Variants in CCR3 observed in about 807,000 individuals in gnomAD.
CCR3 encodes C-C motif chemokine receptor 3.
For missense variants in CCR3, 419 were observed against 437.5 expected (o/e 0.96, Z 0.38); for synonymous variants, 203 against 179.2 (o/e 1.13, Z -1.06).
intron 2 of CCR3, among the ~76,000 whole-genome samples, chr3:46,236,320 A>G (rs916220510): frequency 2.6e-5 from 4 of 152,174 alleles, no homozygotes; most frequent in Admixed American, 2.0e-4. Flanking sequence ...CAGCAGAGAG[A>G]AGAGAAAAGG....
intron 2 of CCR3, among the ~76,000 whole-genome samples, chr3:46,223,486 A>G (rs947526482): frequency 1.3e-5 from 2 of 152,220 alleles, no homozygotes; most frequent in Admixed American, 6.5e-5. Context: ...CCCATGCCCA[A>G]TCCTTTTTCA....
chr3:46,252,028 G>T (rs139509125), intron 1 of CCR3, among the ~76,000 whole-genome samples: 1 of 152,230 alleles, frequency 6.6e-6, no homozygotes, highest in African/African-American at 2.4e-5. Context: ...CAAGTCACAG[G>T]GGATGCAATG....
At chr3:46,261,132 G>A (rs57970178) in intron 1 of CCR3, among the ~76,000 whole-genome samples, 5 of 152,202 alleles carry the variant, frequency 3.3e-5, no homozygotes, top group African/African-American at 1.2e-4. Flanking sequence ...CCTTGATATT[G>A]TAAAGTTATC....
In CCR3 at chr3:46,265,704, T is replaced by C; in HGVS notation, c.546T>C (p.Leu182=). 6.2e-7 allele frequency: 1 copy of C among 1,614,040 alleles called. No homozygotes were observed. The highest frequency in any genetic ancestry group is 1.1e-5 in the South Asian group (1 of 91,066). Reference sequence around the variant, plus strand: ...CTGAAGAGTTGTTTGAAGAGACTCTTTGCAGTGCTCTTTACCCAGAGGATA... The same window carrying C: ...CTGAAGAGTTGTTTGAAGAGACTCTCTGCAGTGCTCTTTACCCAGAGGATA... ...YETEELFEET[L]CSALYPEDTV... is the part of the protein sequence containing the mutation. Residue 182 remains leucine (L), a synonymous_variant, in exon 2 of 2, where the codon CTT becomes CTC. Transcript: ENST00000395940.
intron 2 of CCR3, among the ~76,000 whole-genome samples, chr3:46,223,935 C>T (rs1029956173): frequency 6.6e-6 from 1 of 152,122 alleles, no homozygotes; most frequent in African/African-American, 2.4e-5. Context: ...GAGTCTCCAT[C>T]GGGTGTGATC....
At chr3:46,238,140 G>A (rs187619017), upstream of CCR3, among the ~76,000 whole-genome samples, 22 of 151,966 alleles carry the variant, frequency 1.4e-4, no homozygotes, top group South Asian at 6.2e-4. Flanking sequence ...ATTATAATGC[G>A]TTGTATAATA....
chr3:46,245,580 G>T (rs1010767763), intron 1 of CCR3, among the ~76,000 whole-genome samples: 1 of 151,716 alleles, frequency 6.6e-6, no homozygotes, highest in African/African-American at 2.4e-5. Context: ...TTTATTTTAG[G>T]TTTGGGGGTA....
At chr3:46,226,580 T>C (rs1034199177) in intron 2 of CCR3, among the ~76,000 whole-genome samples, 1 of 152,208 alleles carries the variant, frequency 6.6e-6, no homozygotes, top group Non-Finnish European at 1.5e-5. Context: ...TAGACCGCTA[T>C]GTCTTTCCTA....
chr3:46,243,002 T>TACACATATATATATATATATACACAC (rs71095087), intron 1 of CCR3, among the ~76,000 whole-genome samples: 1 of 123,726 alleles, frequency 8.1e-6, no homozygotes, highest in African/African-American at 3.3e-5. Flanking sequence ...TATATATATA[T>TACACATATATATATATATATACACAC]ACGCACACAC....
intron 2 of CCR3, among the ~76,000 whole-genome samples, chr3:46,222,547 T>G (rs895032491): frequency 2.6e-5 from 4 of 152,162 alleles, no homozygotes; most frequent in African/African-American, 7.2e-5. Context: ...CCCACAGATC[T>G]AGTGCCCTAG....
chr3:46,253,094 G>A (rs1417742156), intron 1 of CCR3, among the ~76,000 whole-genome samples: 1 of 151,940 alleles, frequency 6.6e-6, no homozygotes, highest in East Asian at 1.9e-4. Context: ...ATTTTCAAGA[G>A]CTCCCCAGTG....
intron 2 of CCR3, chr3:46,210,940 A>T (rs1436283738): frequency 6.6e-6 from 1 of 152,254 alleles, no homozygotes; most frequent in African/African-American, 2.4e-5. Flanking sequence ...CCGCTATGTT[A>T]GAGTCACATG....
At chr3:46,235,863 C>G (rs1335335207) in intron 2 of CCR3, among the ~76,000 whole-genome samples, 2 of 152,210 alleles carry the variant, frequency 1.3e-5, no homozygotes, top group Non-Finnish European at 2.9e-5. Context: ...CTGCCGAAGG[C>G]TCTACGCACA....
chr3:46,230,703 C>A (rs1315461074), intron 2 of CCR3, among the ~76,000 whole-genome samples: 1 of 152,126 alleles, frequency 6.6e-6, no homozygotes, highest in Non-Finnish European at 1.5e-5. Flanking sequence ...TAAATGCAGC[C>A]CCTCCATCTA....
intron 1 of CCR3, among the ~76,000 whole-genome samples, chr3:46,262,649 ATTATTTAT>A (rs765084283): frequency 6.6e-6 from 1 of 151,650 alleles, no homozygotes; most frequent in Admixed American, 6.6e-5. Context: ...TTAATTTTTA[ATTATTTAT>A]TTATTTATTT....
intron 2 of CCR3, among the ~76,000 whole-genome samples, chr3:46,215,775 T>A (rs1007562357): frequency 6.6e-6 from 1 of 152,192 alleles, no homozygotes; most frequent in Non-Finnish European, 1.5e-5. Context: ...GGGCTGGAGA[T>A]GAATGAATGG....
intron 2 of CCR3, among the ~76,000 whole-genome samples, chr3:46,230,795 C>A (rs185122527): frequency 6.6e-6 from 1 of 152,036 alleles, no homozygotes; most frequent in Non-Finnish European, 1.5e-5. Flanking sequence ...TGTTAAGGAC[C>A]GAGGCACTTT....
chr3:46,239,183 C>T (rs1277740392), upstream of CCR3, among the ~76,000 whole-genome samples: 1 of 152,166 alleles, frequency 6.6e-6, no homozygotes, highest in African/African-American at 2.4e-5. Flanking sequence ...AAAATGCTGT[C>T]CCGTCCTCTT....
At chr3:46,230,334 T>C (rs1339770712) in intron 2 of CCR3, among the ~76,000 whole-genome samples, 1 of 152,130 alleles carries the variant, frequency 6.6e-6, no homozygotes, top group African/African-American at 2.4e-5. Context: ...AACTCCTGAA[T>C]TTTGGACATG....
Sources: allele counts gnomAD v4.1 joint callset (sites outside exome capture counted in the v4.1 genomes callset), GRCh38; gene constraint gnomAD v4.1.1; transcripts MANE v1.5; gene names NCBI Gene and HGNC (gene_info 2026-07-23, HGNC 2026-07-21).